The following TRIM71 variants were observed in gnomAD, a reference collection of about 807,000 sequenced individuals.
TRIM71 encodes the protein E3 ubiquitin-protein ligase TRIM71.
Under a neutral mutation model 61.2 loss-of-function variants are expected in TRIM71, and 9 were observed. The observed-to-expected ratio is 0.15, with a 90% CI of 0.09 to 0.26. The LOEUF is 0.26. Among genes scored for constraint, TRIM71 ranks in the 10% least tolerant of loss-of-function variants. The pLI, the probability that TRIM71 is intolerant of heterozygous loss-of-function variation, is 1.00. For synonymous variants in TRIM71, 645 were observed against 553.2 expected (o/e 1.17, Z -2.33); for missense variants, 998 against 1,238.7 (o/e 0.81, Z 2.92).
intron 1 of TRIM71, among the ~76,000 whole-genome samples, chr3:32,824,092 G>T (rs1403764340): frequency 6.6e-6 from 1 of 152,082 alleles, no homozygotes; most frequent in East Asian, 1.9e-4. Flanking sequence ...AAAAAAAAGT[G>T]TTTGAAGATT....
At position 32,893,375 on chromosome 3, in the gene TRIM71, A is replaced by T. The variant is rs1697047526; in HGVS notation, c.*1564A>T. ...CACTTTACAGGATTGGTTGGTTGTA[A>T]GCTGGACTTGGGTACAAAACTTGTG... On this transcript the variant is annotated 3_prime_UTR_variant, in exon 4 of 4. Transcript: ENST00000383763. 6.6e-6 allele frequency: 1 copy of T among 152,172 alleles called. No individual in the cohort carries two copies. The highest frequency in any genetic ancestry group is 1.5e-5 in the Non-Finnish European group (1 of 68,044). 9.4% of individuals were successfully genotyped at this position (152,172 alleles called of 1,614,324 possible). A position where few individuals can be genotyped will look rare whatever the true frequency, so the allele number is the denominator to read the frequency against.
intron 2 of TRIM71, among the ~76,000 whole-genome samples, chr3:32,875,229 A>G (rs182420812): frequency 9.6e-4 from 146 of 152,334 alleles, no homozygotes; most frequent in African/African-American, 3.5e-3. Context: ...CCTTTCCTGG[A>G]TGGTGAATCC....
At chr3:32,819,166 C>T (rs1419144555) in intron 1 of TRIM71, among the ~76,000 whole-genome samples, 3 of 152,150 alleles carry the variant, frequency 2.0e-5, no homozygotes, top group Admixed American at 1.3e-4. Context: ...AGCGTGGGGT[C>T]CTCCCTTTTC....
At chr3:32,880,958 C>T (rs898417766) in intron 2 of TRIM71, among the ~76,000 whole-genome samples, 21 of 151,886 alleles carry the variant, frequency 1.4e-4, no homozygotes, top group Admixed American at 9.2e-4. Context: ...AAGAAACCCA[C>T]GGACAATTTA....
Position 32,818,242 on chromosome 3 carries a change from C to G in TRIM71, c.162C>G (p.Arg54=), listed in dbSNP as rs1471232176. 2.0e-6 allele frequency: 3 copies of G among 1,488,758 alleles called. No individual in the cohort carries two copies. In the Admixed American group the frequency reaches 7.1e-5, roughly 35 times the overall value. The allele number at this position is 1,488,758 out of a possible 1,614,324, so 92.2% of individuals were successfully genotyped here. A position where few individuals can be genotyped will look rare whatever the true frequency, so the allele number is the denominator to read the frequency against. Reference sequence around the variant, plus strand: ...GCGGGGGCCCTGGGGCGGCGGCGCGCCGCCTACACGTCCTGCCCTGCCTGC... The same window carrying G: ...GCGGGGGCCCTGGGGCGGCGGCGCGGCGCCTACACGTCCTGCCCTGCCTGC... The part of the protein sequence containing the change: ...GGGGGPGAAA[R]RLHVLPCLHA... Residue 54 remains arginine, a synonymous_variant, in exon 1 of 4, where the codon CGC becomes CGG. Transcript: ENST00000383763.
At chr3:32,869,775 G>T (rs1395923526) in intron 1 of TRIM71, among the ~76,000 whole-genome samples, 1 of 152,214 alleles carries the variant, frequency 6.6e-6, no homozygotes, top group Non-Finnish European at 1.5e-5. Context: ...GAAGGCAATG[G>T]GTGGGACGTT....
chr3:32,829,642 G>A (rs907512979), intron 1 of TRIM71, among the ~76,000 whole-genome samples: 1 of 151,654 alleles, frequency 6.6e-6, no homozygotes, highest in South Asian at 2.1e-4. Flanking sequence ...GTGTGTGTGT[G>A]TGTGTGTGTT....
At chr3:32,865,087 T>C (rs1317670878) in intron 1 of TRIM71, among the ~76,000 whole-genome samples, 2 of 152,116 alleles carry the variant, frequency 1.3e-5, no homozygotes, top group Non-Finnish European at 2.9e-5. Flanking sequence ...TCCAGCACTT[T>C]GGGAGGCCGA....
At chr3:32,888,189 A>T (rs1696981352) in intron 3 of TRIM71, among the ~76,000 whole-genome samples, 1 of 152,170 alleles carries the variant, frequency 6.6e-6, no homozygotes, top group South Asian at 2.1e-4. Context: ...TTAGATTTAA[A>T]GGGCTCTTTT....
At position 32,895,032 on chromosome 3, in the gene TRIM71, T is replaced by C. The variant is rs1185103856; in HGVS notation, c.*3221T>C. 6.6e-6 allele frequency: 1 copy of C among 152,212 alleles called. No homozygotes were observed. The highest frequency in any genetic ancestry group is 1.9e-4 in the East Asian group (1 of 5,198). The allele number at this position is 152,212 out of a possible 1,614,324, so 9.4% of individuals were successfully genotyped here. A position where few individuals can be genotyped will look rare whatever the true frequency, so the allele number is the denominator to read the frequency against. ...CTCAGTTTATGTGTGGAGATGCCCATTGGGTTTGGATATATAGGTTTGAGT... is the reference window on the plus strand; with the variant it reads ...CTCAGTTTATGTGTGGAGATGCCCACTGGGTTTGGATATATAGGTTTGAGT... On this transcript the variant is annotated 3_prime_UTR_variant, in exon 4 of 4. Transcript: ENST00000383763.
chr3:32,880,101 C>G (rs911473245), intron 2 of TRIM71, among the ~76,000 whole-genome samples: 7 of 151,830 alleles, frequency 4.6e-5, no homozygotes, highest in African/African-American at 1.7e-4. Flanking sequence ...CAGGCTGGAA[C>G]GCAGTGACAG....
In TRIM71 at chr3:32,891,289, C is replaced by A. The variant is rs896224039; in HGVS notation, c.2085C>A (p.Thr695=). Residue 695 remains threonine (T), a synonymous_variant, in exon 4 of 4, where the codon ACC becomes ACA. Coordinates refer to ENST00000383763, the MANE Select transcript of TRIM71 (RefSeq NM_001039111.3). The surrounding 1 kb of genome is among the most constrained non-coding windows in gnomAD (Gnocchi z 8.2). ...QFLLKFGEKG[T]KNGQFNYPWD... ...TCCTCAAGTTTGGTGAGAAAGGAACCAAGAATGGGCAGTTCAACTACCCTT... is the reference window on the plus strand; with the variant it reads ...TCCTCAAGTTTGGTGAGAAAGGAACAAAGAATGGGCAGTTCAACTACCCTT... 8.1e-6 allele frequency: 13 copies of A among 1,613,944 alleles called. No individual in the cohort carries two copies. The highest frequency in any genetic ancestry group is 1.1e-5 in the South Asian group (1 of 91,076).
chr3:32,887,840 G>A (rs1696978004), intron 3 of TRIM71, among the ~76,000 whole-genome samples: 1 of 152,112 alleles, frequency 6.6e-6, no homozygotes, highest in Admixed American at 6.6e-5. Flanking sequence ...TGAAAAAGCA[G>A]GAATGAGTCG....
chr3:32,821,666 G>A (rs755176935), intron 1 of TRIM71, among the ~76,000 whole-genome samples: 14 of 152,070 alleles, frequency 9.2e-5, no homozygotes, highest in Non-Finnish European at 1.5e-4. Context: ...TCCAGAGTCC[G>A]AAAGGCCTGC....
intron 1 of TRIM71, among the ~76,000 whole-genome samples, chr3:32,860,924 C>G (rs1306160807): frequency 6.6e-6 from 1 of 151,532 alleles, no homozygotes; most frequent in Non-Finnish European, 1.5e-5. Flanking sequence ...CCTGTAATCC[C>G]AGCACTTTGG....
chr3:32,891,847 T>C lies in TRIM71; in HGVS notation c.*36T>C, dbSNP rs1007646180. ...TAGGTTTCTGTGTTTGGGGTGTGTG[T>C]GCGTGTCTCTCTCTCTCTCTCTCTC... is the stretch of plus-strand genomic sequence containing the variant. On this transcript the variant is annotated 3_prime_UTR_variant, in exon 4 of 4. Coordinates refer to ENST00000383763, the MANE Select transcript of TRIM71 (RefSeq NM_001039111.3). The surrounding 1 kb of genome is among the most constrained non-coding windows in gnomAD (Gnocchi z 8.2). The C allele has an allele frequency of 6.3e-7, 1 of 1,585,904 alleles. No individual in the cohort carries two copies. The highest frequency in any genetic ancestry group is 8.6e-7 in the Non-Finnish European group (1 of 1,167,664).
intron 2 of TRIM71, among the ~76,000 whole-genome samples, chr3:32,884,308 C>T (rs1347724806): frequency 6.6e-6 from 1 of 152,056 alleles, no homozygotes; most frequent in Non-Finnish European, 1.5e-5. Context: ...ATGAATGTGT[C>T]AGCTGTCATC....
chr3:32,857,768 C>T (rs1696621520), intron 1 of TRIM71, among the ~76,000 whole-genome samples: 2 of 152,140 alleles, frequency 1.3e-5, no homozygotes, highest in Non-Finnish European at 2.9e-5. Context: ...GTCAGGAGTT[C>T]AAGACCAGCC....
chr3:32,888,928 T>G (rs1176798465), intron 3 of TRIM71, among the ~76,000 whole-genome samples: 1 of 152,200 alleles, frequency 6.6e-6, no homozygotes, highest in South Asian at 2.1e-4. Context: ...CTTTGCTGTT[T>G]CCTTTGCTGA....
Sources: gnomAD v4.1 joint callset for allele counts (sites outside exome capture counted in the v4.1 genomes callset) on GRCh38, gnomAD v4.1.1 for gene constraint, Gnocchi (gnomAD v3.1) non-coding constraint, MANE v1.5 for transcripts, NCBI Gene and HGNC (gene_info 2026-07-23, HGNC 2026-07-21) for gene names.